The following BRD1 variants were observed in gnomAD, a reference collection of about 807,000 sequenced individuals.
The protein encoded by BRD1 is bromodomain-containing protein 1.
Under a neutral mutation model 107.7 loss-of-function variants are expected in BRD1, and 24 were observed. The observed-to-expected ratio is 0.22, with a 90% CI of 0.16 to 0.31. The LOEUF (loss-of-function observed/expected upper bound fraction) is 0.31. Among genes scored for constraint, BRD1 ranks in the 10% least tolerant of loss-of-function variants. The pLI is 1.00. For missense variants in BRD1, 1,279 were observed against 1,638.6 expected (o/e 0.78, Z 3.79); for synonymous variants, 744 against 686.1 (o/e 1.08, Z -1.32).
rs1386830917 is a variant in BRD1, at chr22:49,773,530, CCAGAGT to C, written c.*697_*702del. The C allele has an allele frequency of 6.6e-6, 1 of 152,572 alleles. No homozygotes were observed. Among genetic ancestry groups the C allele is most frequent in the Non-Finnish European group, 1.5e-5 (1 of 68,026 alleles). 9.5% of individuals were successfully genotyped at this position (152,572 alleles called of 1,614,324 possible). A position where few individuals can be genotyped will look rare whatever the true frequency, so the allele number is the denominator to read the frequency against. ...GTTATAAAATCAAAGTACACACAGG[CCAGAGT>C]CATTTATACAATGCAATGCATTCTG... On this transcript the variant is annotated 3_prime_UTR_variant, in exon 13 of 13. Coordinates refer to ENST00000404760, the MANE Select transcript of BRD1 (RefSeq NM_001304808.3).
intron 2 of BRD1, among the ~76,000 whole-genome samples, chr22:49,808,033 A>G (rs139221582): frequency 1.9e-4 from 29 of 152,212 alleles, no homozygotes; most frequent in South Asian, 4.2e-4. Flanking sequence ...AAAACAAAAA[A>G]AAAATGTTGG....
intron 11 of BRD1, 46 bp downstream of exon 11, chr22:49,776,004 T>C (rs1324590164): frequency 6.5e-7 from 1 of 1,544,108 alleles, no homozygotes; most frequent in Non-Finnish European, 8.8e-7. Flanking sequence ...CCCGCAGCTG[T>C]GTGAGCCTCC....
At chr22:49,815,368 C>T (rs1817375802) in intron 2 of BRD1, among the ~76,000 whole-genome samples, 1 of 152,074 alleles carries the variant, frequency 6.6e-6, no homozygotes, top group Non-Finnish European at 1.5e-5. Flanking sequence ...CGTGACGAAA[C>T]CCCATCTCCA....
chr22:49,798,191 A>G (rs1421781956), intron 5 of BRD1, 74 bp from the exon 6 acceptor site: 6 of 1,407,608 alleles, frequency 4.3e-6, no homozygotes, highest in Non-Finnish European at 3.9e-6. Flanking sequence ...TTATTATTCC[A>G]TATAACCCAC....
At position 49,799,110 on chromosome 22, in the gene BRD1, C is replaced by A; in HGVS notation, c.1534G>T (p.Asp512Tyr). 6.2e-7 allele frequency: 1 copy of A among 1,607,390 alleles called. No individual in the cohort carries two copies. Among genetic ancestry groups the A allele is most frequent in the Non-Finnish European group, 8.5e-7 (1 of 1,179,750 alleles). ...SQRSSQQREN[D>Y]EEMKAAKEKL... ...TCTTTGGCAGCCTTCATCTCCTCAT[C>A]ATTTTCTCTCTGAGAACAGTGAACA... is the stretch of plus-strand genomic sequence containing the variant. Residue 512 changes from aspartate to tyrosine, a missense_variant, in exon 4 of 13, where the codon GAT becomes TAT. By Grantham distance (160) the Asp-to-Tyr change is radical. Transcript: ENST00000404760.
intron 1 of BRD1, among the ~76,000 whole-genome samples, chr22:49,825,402 G>A (rs569937084): frequency 6.6e-6 from 1 of 152,242 alleles, no homozygotes; most frequent in Admixed American, 6.5e-5. Context: ...CCAGAGGTAG[G>A]CAAAACCAGT....
At chr22:49,796,886 C>T (rs1004176626) in intron 6 of BRD1, among the ~76,000 whole-genome samples, 10 of 152,210 alleles carry the variant, frequency 6.6e-5, no homozygotes, top group African/African-American at 2.4e-4. Context: ...AGGAAGAGGG[C>T]CAGGCCTCAT....
intron 2 of BRD1, among the ~76,000 whole-genome samples, chr22:49,804,736 G>A (rs1030317701): frequency 3.9e-5 from 6 of 152,082 alleles, no homozygotes; most frequent in South Asian, 2.1e-4. Flanking sequence ...GTGTAGTCCC[G>A]GCTACTTGGG....
intron 2 of BRD1, chr22:49,818,202 C>A: frequency 8.9e-7 from 1 of 1,120,986 alleles, no homozygotes; most frequent in Non-Finnish European, 1.1e-6. Flanking sequence ...GTAGGAGGAG[C>A]ACCCATCACA....
intron 5 of BRD1, 80 bp from the exon 6 acceptor site, chr22:49,798,197 C>T: frequency 7.4e-7 from 1 of 1,351,376 alleles, no homozygotes; most frequent in Non-Finnish European, 1.0e-6. Flanking sequence ...TTCCATATAA[C>T]CCACAAGCCC....
chr22:49,804,200 G>A lies in BRD1; in HGVS notation c.1524+4C>T, dbSNP rs764104652. The A allele has an allele frequency of 1.0e-5, 16 of 1,576,254 alleles. No homozygotes were observed. The highest frequency in any genetic ancestry group is 5.4e-5 in the African/African-American group (4 of 74,186). On this transcript the variant is annotated splice_donor_region_variant and intron_variant, in intron 3 of 12. Coordinates refer to ENST00000404760, the MANE Select transcript of BRD1 (RefSeq NM_001304808.3). The stretch of plus-strand genomic sequence containing the variant: ...AAAGGCTGTGGGGGCCACGAGCCAC[G>A]TACCTGCTGTGAGCTTCGCTGAGAC...
intron 12 of BRD1, among the ~76,000 whole-genome samples, chr22:49,774,708 C>G (rs1333482128): frequency 6.6e-6 from 1 of 152,264 alleles, no homozygotes; most frequent in Non-Finnish European, 1.5e-5. Context: ...ATGCACACAC[C>G]AAGCCCAGAG....
intron 8 of BRD1, among the ~76,000 whole-genome samples, chr22:49,784,906 G>C (rs1215536807): frequency 6.6e-6 from 1 of 152,200 alleles, no homozygotes; most frequent in Non-Finnish European, 1.5e-5. Flanking sequence ...GGCTGCTCAG[G>C]AGAGAGCTCA....
At chr22:49,798,737 AGCCCCACCACGC>A in intron 4 of BRD1, 51 bp from the exon 5 acceptor site, 1 of 1,509,380 alleles carries the variant, frequency 6.6e-7, no homozygotes, top group Non-Finnish European at 8.8e-7. Context: ...CATGCGTCTC[AGCCCCACCACGC>A]GCCCCACAGC....
At chr22:49,795,634 A>C (rs2059516480) in intron 6 of BRD1, among the ~76,000 whole-genome samples, 1 of 152,218 alleles carries the variant, frequency 6.6e-6, no homozygotes, top group South Asian at 2.1e-4. Flanking sequence ...GGAGTCCAAG[A>C]GTGATGCATC....
In BRD1 at chr22:49,823,391, G is replaced by A. The variant is rs772319119; in HGVS notation, c.927C>T (p.Ile309=). The change falls in exon 2 of 13, where the codon ATC becomes ATT. Residue 309 remains isoleucine (I), a synonymous_variant. Coordinates refer to ENST00000404760, the MANE Select transcript of BRD1 (RefSeq NM_001304808.3). ...TGTTCCTCACCCCATCGATGGGCTC[G>A]ATGAACACCGTGTTGGCAAAGCCGA... ...PEVGFANTVF[I]EPIDGVRNIP... is the part of the protein sequence containing the mutation. 16 of 1,613,400 alleles carry A rather than the reference G, an allele frequency of 9.9e-6. No homozygotes were observed. The highest frequency in any genetic ancestry group is 6.7e-5 in the East Asian group (3 of 44,886).
rs564283327 is a variant in BRD1 at position 49,795,317 on chromosome 22, G to A, written c.2099-1023C>T. Reference sequence around the variant, plus strand: ...CTCCAGGCAATGGGAGGTGTCGGCCGTGCTGAGAAGAGCAGCAGGTGCACC... The same window carrying A: ...CTCCAGGCAATGGGAGGTGTCGGCCATGCTGAGAAGAGCAGCAGGTGCACC... On this transcript the variant is annotated intron_variant, in intron 6 of 12. Coordinates refer to ENST00000404760, the MANE Select transcript of BRD1 (RefSeq NM_001304808.3). Among the ~76,000 whole-genome samples, 86 of 152,330 alleles carry A rather than the reference G, an allele frequency of 5.6e-4. 1 individual carries two copies. The highest frequency in any genetic ancestry group is 6.8e-3 in the Middle Eastern group (2 of 294).
chr22:49,822,600 C>T (rs1176629659), intron 2 of BRD1, among the ~76,000 whole-genome samples: 1 of 151,964 alleles, frequency 6.6e-6, no homozygotes, highest in African/African-American at 2.4e-5. Context: ...GTCCCAGCTA[C>T]TCAGGAGTCT....
intron 8 of BRD1, among the ~76,000 whole-genome samples, chr22:49,778,087 G>A (rs749985579): frequency 4.6e-5 from 7 of 152,190 alleles, no homozygotes; most frequent in African/African-American, 1.4e-4. Context: ...TGACAAGCCC[G>A]GGTCTTTAGA....
Sources: gnomAD v4.1 joint callset for allele counts (sites outside exome capture counted in the v4.1 genomes callset) on GRCh38, gnomAD v4.1.1 for gene constraint, MANE v1.5 for transcripts, NCBI Gene and HGNC (gene_info 2026-07-23, HGNC 2026-07-21) for gene names.